Variants in GRAP2 observed in about 807,000 individuals in gnomAD.
GRAP2 encodes the protein GRB2 related adaptor protein 2.
Under a neutral mutation model 43.5 loss-of-function variants are expected in GRAP2, and 31 were observed. That is an observed-to-expected ratio of 0.71 (90% CI 0.54 to 0.96). The LOEUF is 0.96. Ranked by LOEUF, GRAP2 falls within the 40% of genes least tolerant of loss-of-function variation. The pLI is 0.00. For missense variants in GRAP2, 371 were observed against 424.4 expected (o/e 0.87, Z 1.11); for synonymous variants, 156 against 164.8 (o/e 0.95, Z 0.41).
chr22:39,921,623 T>C (rs137975), intron 1 of GRAP2, among the ~76,000 whole-genome samples: 80,719 of 152,036 alleles, frequency 0.53, 23,650 homozygotes, highest in African/African-American at 0.78. Context: ...TTCTCTTTTG[T>C]AGTAAATGAT....
chr22:39,950,824 A>G (rs1307009005), intron 2 of GRAP2, among the ~76,000 whole-genome samples: 2 of 151,960 alleles, frequency 1.3e-5, no homozygotes, highest in African/African-American at 4.8e-5. Context: ...CATGGCTGGG[A>G]CTCCCCACAT....
chr22:39,914,291 G>C (rs1259110399), intron 1 of GRAP2, among the ~76,000 whole-genome samples: 1 of 152,030 alleles, frequency 6.6e-6, no homozygotes, highest in African/African-American at 2.4e-5. Flanking sequence ...AGTCTAGTTG[G>C]AGCACTAGTC....
In GRAP2 at chr22:39,968,143, G is replaced by A. The variant is rs756341497; in HGVS notation, c.561G>A (p.Ser187=). Reference sequence around the variant, plus strand: ...GACCTTCGATGAACCGGAAGCTGTCGGATCACCCCCCGACCCTTCCCCTGC... The same window carrying A: ...GACCTTCGATGAACCGGAAGCTGTCAGATCACCCCCCGACCCTTCCCCTGC... ...EIRPSMNRKL[S]DHPPTLPLQQ... Residue 187 remains serine, a synonymous_variant, in exon 6 of 8, where the codon TCG becomes TCA. Coordinates refer to ENST00000344138, the MANE Select transcript of GRAP2 (RefSeq NM_004810.4). 1.2e-5 allele frequency: 20 copies of A among 1,606,970 alleles called. No individual in the cohort carries two copies. Among genetic ancestry groups the A allele is most frequent in the Middle Eastern group, 1.6e-4 (1 of 6,076 alleles).
chr22:39,908,068 T>A (rs903212399), intron 1 of GRAP2, among the ~76,000 whole-genome samples: 1 of 152,192 alleles, frequency 6.6e-6, no homozygotes, highest in African/African-American at 2.4e-5. Context: ...GTCACCTAAC[T>A]TCCCTGAGCT....
In GRAP2 at chr22:39,966,148, G is replaced by A. The variant is rs140074469; in HGVS notation, c.449G>A (p.Arg150Gln). The A allele has an allele frequency of 5.7e-5, 92 of 1,613,860 alleles. No individual in the cohort carries two copies. In the African/African-American group the frequency reaches 9.2e-4, roughly 16 times the overall value. ...QKQIFLRDRT[R>Q]EDQGHRGNSL... is the part of the protein sequence containing the mutation. ...CAGATCTTCCTTAGAGACAGAACCC[G>A]AGAAGACCAGGTATGCTCCAGATCC... Residue 150 changes from arginine (R) to glutamine (Q), a missense_variant, in exon 5 of 8, where the codon CGA becomes CAA. Arg to Gln is a conservative substitution (Grantham distance 43, BLOSUM62 1). Coordinates refer to ENST00000344138, the MANE Select transcript of GRAP2 (RefSeq NM_004810.4).
At chr22:39,934,470 T>A (rs2066786673) in intron 1 of GRAP2, among the ~76,000 whole-genome samples, 1 of 152,136 alleles carries the variant, frequency 6.6e-6, no homozygotes, top group African/African-American at 2.4e-5. Flanking sequence ...AGTTCACTTA[T>A]GAAAGAAGAG....
chr22:39,929,006 A>C (rs2066731176), intron 1 of GRAP2, among the ~76,000 whole-genome samples: 2 of 152,228 alleles, frequency 1.3e-5, no homozygotes, highest in African/African-American at 4.8e-5. Context: ...AGTTACAGAG[A>C]TAAAACCTCC....
chr22:39,926,484 G>GA (rs918651851), intron 1 of GRAP2: 39,762 of 240,622 alleles, frequency 0.17, 32 homozygotes, highest in Non-Finnish European at 0.18. Flanking sequence ...CCCAACAAAA[G>GA]AAAAAAAAAA....
intron 1 of GRAP2, among the ~76,000 whole-genome samples, chr22:39,945,147 A>G (rs17001545): frequency 0.024 from 3,709 of 152,358 alleles, 100 homozygotes; most frequent in Middle Eastern, 0.099. Context: ...GTCCTAGGTC[A>G]CAACAATTTT....
chr22:39,970,764 AG>A, intron 7 of GRAP2, 140 bp from the exon 8 acceptor site: 1 of 677,378 alleles, frequency 1.5e-6, no homozygotes, highest in Non-Finnish European at 2.3e-6. Flanking sequence ...CTACAAAAAA[AG>A]TTTTTTTAAG....
chr22:39,950,500 T>G (rs1339449775), intron 2 of GRAP2, among the ~76,000 whole-genome samples: 2 of 152,198 alleles, frequency 1.3e-5, no homozygotes, highest in African/African-American at 4.8e-5. Flanking sequence ...TGCCTAGAAC[T>G]CCCTGACACT....
chr22:39,924,119 A>G (rs971186267), intron 1 of GRAP2, among the ~76,000 whole-genome samples: 2 of 152,194 alleles, frequency 1.3e-5, no homozygotes, highest in Non-Finnish European at 2.9e-5. Context: ...CTTTAAATTT[A>G]GCAGAGTGAT....
At position 39,918,007 on chromosome 22, in the gene GRAP2, C is replaced by G. The variant is rs556375107; in HGVS notation, c.-15+16677C>G. ...CATTTTCTGGCTCTAGCTTTTTCCC[C>G]CCTCAAGAAATGCATAGCATTTTTA... On this transcript the variant is annotated intron_variant, in intron 1 of 7. Coordinates refer to ENST00000344138, the MANE Select transcript of GRAP2 (RefSeq NM_004810.4). Among the ~76,000 whole-genome samples, 281 of 152,248 alleles carry G rather than the reference C, an allele frequency of 1.8e-3. 2 individuals carry two copies. The highest frequency in any genetic ancestry group is 0.014 in the Middle Eastern group (4 of 294).
At chr22:39,919,766 C>A (rs902218056) in intron 1 of GRAP2, among the ~76,000 whole-genome samples, 1 of 152,206 alleles carries the variant, frequency 6.6e-6, no homozygotes, top group Non-Finnish European at 1.5e-5. Flanking sequence ...CTATCTTGAG[C>A]AAGCATTGGA....
intron 1 of GRAP2, among the ~76,000 whole-genome samples, chr22:39,931,943 T>C (rs906862164): frequency 2.6e-5 from 4 of 152,110 alleles, no homozygotes; most frequent in African/African-American, 9.7e-5. Context: ...AAACAGAAGG[T>C]ACAACATTTT....
intron 1 of GRAP2, among the ~76,000 whole-genome samples, chr22:39,911,119 C>G (rs1002340528): frequency 3.3e-5 from 5 of 152,192 alleles, no homozygotes; most frequent in African/African-American, 1.2e-4. Flanking sequence ...AAATGTCACT[C>G]AGAGGCAGCA....
intron 1 of GRAP2, among the ~76,000 whole-genome samples, chr22:39,944,698 C>T (rs1191275325): frequency 6.6e-6 from 1 of 152,190 alleles, no homozygotes; most frequent in Non-Finnish European, 1.5e-5. Context: ...TCACTTCTCA[C>T]TGAAGTGATT....
At chr22:39,957,961 A>C (rs1224311035) in intron 3 of GRAP2, among the ~76,000 whole-genome samples, 1 of 152,088 alleles carries the variant, frequency 6.6e-6, no homozygotes, top group African/African-American at 2.4e-5. Context: ...TTAAATAAAT[A>C]AATAAATCAA....
At chr22:39,969,770 C>G (rs1326944958) in intron 7 of GRAP2, among the ~76,000 whole-genome samples, 1 of 152,126 alleles carries the variant, frequency 6.6e-6, no homozygotes, top group African/African-American at 2.4e-5. Flanking sequence ...AAAAATTAGC[C>G]AGGCATGGTG....
Sources: gnomAD v4.1 joint callset for allele counts (sites outside exome capture counted in the v4.1 genomes callset) on GRCh38, gnomAD v4.1.1 for gene constraint, MANE v1.5 for transcripts, NCBI Gene and HGNC (gene_info 2026-07-23, HGNC 2026-07-21) for gene names.